CSRNP3: variants seen among roughly 807,000 people sequenced by gnomAD.
CSRNP3 encodes the protein cysteine/serine-rich nuclear protein 3.
A neutral mutation model predicts 48.0 loss-of-function variants in CSRNP3; 12 were observed. The observed-to-expected ratio is 0.25, with a 90% CI of 0.16 to 0.41. The LOEUF (loss-of-function observed/expected upper bound fraction) is 0.41, where lower values mean the gene tolerates loss of function less well. Among genes scored for constraint, CSRNP3 ranks in the 10% least tolerant of loss-of-function variants. The pLI is 1.00. For missense variants in CSRNP3, 580 were observed against 724.4 expected, an observed-to-expected ratio of 0.80 and a Z score of 2.29; for synonymous variants, 263 against 269.7, an observed-to-expected ratio of 0.98 and a Z score of 0.24.
intron 3 of CSRNP3, among the ~76,000 whole-genome samples, chr2:165,520,238 T>C (rs900469763): frequency 1.2e-4 from 18 of 152,176 alleles, no homozygotes; most frequent in Admixed American, 2.0e-4. Flanking sequence ...GGTTTTTTTA[T>C]GGTAATCTGG....
At chr2:165,504,042 A>G (rs1176129582) in intron 2 of CSRNP3, among the ~76,000 whole-genome samples, 1 of 152,024 alleles carries the variant, frequency 6.6e-6, no homozygotes, top group Non-Finnish European at 1.5e-5. Flanking sequence ...TTCCTAATAT[A>G]AAACTATAAT....
At chr2:165,588,590 G>A (rs1685668268) in intron 3 of CSRNP3, among the ~76,000 whole-genome samples, 1 of 152,192 alleles carries the variant, frequency 6.6e-6, no homozygotes, top group South Asian at 2.1e-4. Flanking sequence ...TAGACTTTCA[G>A]CTCTTCATAT....
At chr2:165,592,031 C>T (rs558897299) in intron 3 of CSRNP3, among the ~76,000 whole-genome samples, 9 of 152,250 alleles carry the variant, frequency 5.9e-5, no homozygotes, top group Admixed American at 2.0e-4. Context: ...AATGTCAGCC[C>T]GTAAAAGCAG....
chr2:165,505,698 A>T (rs575906524), intron 2 of CSRNP3, among the ~76,000 whole-genome samples: 4 of 152,238 alleles, frequency 2.6e-5, no homozygotes, highest in Admixed American at 1.3e-4. Flanking sequence ...AGGTTTTTTT[A>T]ATTTAAATTA....
At chr2:165,521,676 T>C (rs1020888038) in intron 3 of CSRNP3, among the ~76,000 whole-genome samples, 1 of 152,198 alleles carries the variant, frequency 6.6e-6, no homozygotes, top group African/African-American at 2.4e-5. Context: ...ATAATTTATC[T>C]AATCCAAGGT....
chr2:165,673,790 G>A (rs182119010), intron 5 of CSRNP3, among the ~76,000 whole-genome samples: 2,086 of 152,184 alleles, frequency 0.014, 28 homozygotes, highest in Middle Eastern at 0.031. Flanking sequence ...GGAGGCCAAG[G>A]CAGGTGGATC....
At chr2:165,655,333 T>G (rs1275788152) in intron 4 of CSRNP3, among the ~76,000 whole-genome samples, 1 of 152,164 alleles carries the variant, frequency 6.6e-6, no homozygotes, top group Non-Finnish European at 1.5e-5. Flanking sequence ...GTTTTTTCAT[T>G]AGTTATAGGA....
intron 4 of CSRNP3, among the ~76,000 whole-genome samples, chr2:165,597,850 TGAGATTTCATTAGTATGAAATCACA>T (rs1485464469): frequency 1.3e-5 from 2 of 152,240 alleles, no homozygotes; most frequent in Non-Finnish European, 2.9e-5. Context: ...AAAATGCTAA[TGAGATTTCATTAGTATGAAATCACA>T]GAGATTTCAT....
intron 3 of CSRNP3, among the ~76,000 whole-genome samples, chr2:165,556,086 G>C (rs1183337043): frequency 6.6e-6 from 1 of 152,112 alleles, no homozygotes; most frequent in Admixed American, 6.5e-5. Context: ...TCTCTTTAGG[G>C]GAAGACAGCA....
rs1488016582 is a variant in CSRNP3, at chr2:165,684,676, C to T, written c.*4923C>T. On this transcript the variant is annotated 3_prime_UTR_variant, in exon 7 of 7. Transcript: ENST00000651982. Reference sequence around the variant, plus strand: ...ATGCCTAAGCCAAAATGCTGTAGCTCTGCACCAACAGCACAGCTCATCAGA... The same window carrying T: ...ATGCCTAAGCCAAAATGCTGTAGCTTTGCACCAACAGCACAGCTCATCAGA... The T allele has an allele frequency of 6.6e-6, 1 of 152,064 alleles. No homozygotes were observed. Among genetic ancestry groups the T allele is most frequent in the Non-Finnish European group, 1.5e-5 (1 of 67,996 alleles). 9.4% of individuals were successfully genotyped at this position (152,064 alleles called of 1,614,324 possible).
chr2:165,524,177 G>T (rs1387155496), intron 3 of CSRNP3, among the ~76,000 whole-genome samples: 2 of 152,078 alleles, frequency 1.3e-5, no homozygotes, highest in African/African-American at 4.8e-5. Flanking sequence ...ACAAACCCAG[G>T]TACACATAAT....
At position 165,494,788 on chromosome 2, in the gene CSRNP3, G is replaced by T; in HGVS notation, c.-253G>T. On this transcript the variant is annotated 5_prime_UTR_variant, in exon 2 of 7. An upstream open reading frame in the 5' UTR gains an earlier in-frame stop. Transcript: ENST00000651982. The stretch of plus-strand genomic sequence containing the variant: ...ATGTGACAGCGTTGCAGCTATGAGT[G>T]GAATTTTAAAGGGGAAGTTTGAAGA... 1 of 213,324 alleles carries T rather than the reference G, an allele frequency of 4.7e-6. No individual in the cohort carries two copies. Among genetic ancestry groups the T allele is most frequent in the Admixed American group, 4.5e-5 (1 of 22,320 alleles). The allele number at this position is 213,324 out of a possible 1,614,324, so 13.2% of individuals were successfully genotyped here.
chr2:165,650,247 G>T (rs1686882140), intron 4 of CSRNP3, among the ~76,000 whole-genome samples: 1 of 152,090 alleles, frequency 6.6e-6, no homozygotes, highest in Non-Finnish European at 1.5e-5. Flanking sequence ...AATGTGCCTG[G>T]AATAAAAAAG....
At chr2:165,633,644 C>A (rs991637057) in intron 4 of CSRNP3, among the ~76,000 whole-genome samples, 1 of 152,276 alleles carries the variant, frequency 6.6e-6, no homozygotes, top group African/African-American at 2.4e-5. Flanking sequence ...AGCTTGAAAC[C>A]ATGCTAGCCT....
intron 3 of CSRNP3, among the ~76,000 whole-genome samples, chr2:165,561,219 A>AC (rs1685229641): frequency 6.6e-6 from 1 of 152,176 alleles, no homozygotes; most frequent in Non-Finnish European, 1.5e-5. Flanking sequence ...TTTATGCCTT[A>AC]CATTTGCCGT....
intron 3 of CSRNP3, among the ~76,000 whole-genome samples, chr2:165,549,313 G>C (rs1041898999): frequency 3.3e-5 from 5 of 152,072 alleles, no homozygotes; most frequent in African/African-American, 1.2e-4. Context: ...GCTTTTCCAA[G>C]ATTCACAACT....
At chr2:165,558,611 C>T in intron 3 of CSRNP3, among the ~76,000 whole-genome samples, 1 of 152,110 alleles carries the variant, frequency 6.6e-6, no homozygotes, top group East Asian at 1.9e-4. Context: ...GACACACACA[C>T]ACATTTACAT....
intron 4 of CSRNP3, among the ~76,000 whole-genome samples, chr2:165,603,982 T>C (rs1685968003): frequency 6.6e-6 from 1 of 152,226 alleles, no homozygotes; most frequent in Admixed American, 6.5e-5. Flanking sequence ...AAAATGAGTT[T>C]TGAAGGAATT....
chr2:165,533,345 C>A (rs1420815005), intron 3 of CSRNP3, among the ~76,000 whole-genome samples: 2 of 152,078 alleles, frequency 1.3e-5, no homozygotes, highest in African/African-American at 4.8e-5. Context: ...CTTTCCTAAT[C>A]GTTTTCACCC....
Sources: allele counts gnomAD v4.1 joint callset (sites outside exome capture counted in the v4.1 genomes callset), GRCh38; gene constraint gnomAD v4.1.1; transcripts MANE v1.5; gene names NCBI Gene and HGNC (gene_info 2026-07-23, HGNC 2026-07-21).